COL24A1: variants seen among roughly 807,000 people sequenced by gnomAD.
COL24A1 encodes collagen alpha-1(XXIV) chain.
A neutral mutation model predicts 253.9 loss-of-function variants in COL24A1; 224 were observed. The ratio of observed to expected loss-of-function variants is 0.88; its 90% CI spans 0.79 to 0.99. The LOEUF (loss-of-function observed/expected upper bound fraction) is 0.99. Among genes scored for constraint, COL24A1 ranks in the 50% least tolerant of loss-of-function variants. The probability of loss-of-function intolerance (pLI) is 0.00; values close to 1 mark genes in which losing one functional copy is unlikely to be tolerated. For missense variants in COL24A1, 2,131 were observed against 2,068.5 expected, an observed-to-expected ratio of 1.03 and a Z score of -0.59; for synonymous variants, 685 against 673.7, an observed-to-expected ratio of 1.02 and a Z score of -0.26.
intron 1 of COL24A1, among the ~76,000 whole-genome samples, chr1:86,147,344 C>T (rs1212964168): frequency 6.6e-6 from 1 of 152,062 alleles, no homozygotes; most frequent in Non-Finnish European, 1.5e-5. Flanking sequence ...GGTATTTATC[C>T]TTTGTTAGTA....
At chr1:85,938,922 C>T (rs1236435236) in intron 24 of COL24A1, among the ~76,000 whole-genome samples, 1 of 152,140 alleles carries the variant, frequency 6.6e-6, no homozygotes, top group Non-Finnish European at 1.5e-5. Flanking sequence ...TTAGTAGGGT[C>T]TGTGTCACAG....
chr1:86,054,894 G>T (rs757095454), intron 10 of COL24A1, among the ~76,000 whole-genome samples: 11 of 152,096 alleles, frequency 7.2e-5, no homozygotes, highest in Non-Finnish European at 1.2e-4. Flanking sequence ...ATCAACCCAA[G>T]TGCTCATCAA....
intron 14 of COL24A1, 147 bp downstream of exon 14, chr1:86,031,731 G>T: frequency 5.8e-6 from 3 of 516,324 alleles, no homozygotes; most frequent in African/African-American, 2.1e-5. Flanking sequence ...ATTCATATCT[G>T]GTTGAAAAAA....
intron 5 of COL24A1, among the ~76,000 whole-genome samples, chr1:86,104,537 C>A (rs1372271985): frequency 6.6e-6 from 1 of 152,074 alleles, no homozygotes; most frequent in African/African-American, 2.4e-5. Flanking sequence ...AATTGATGTC[C>A]TTTGAATGGT....
chr1:86,029,928 C>T (rs1698402023), intron 14 of COL24A1: 1 of 152,044 alleles, frequency 6.6e-6, no homozygotes. Context: ...AGGGCGAAGG[C>T]TGAGTGTACC....
At chr1:85,926,080 A>T (rs1391826145) in intron 24 of COL24A1, among the ~76,000 whole-genome samples, 1 of 152,368 alleles carries the variant, frequency 6.6e-6, no homozygotes, top group Middle Eastern at 3.4e-3. Flanking sequence ...AAAAATGCTC[A>T]TCATCACTGG....
At chr1:86,147,898 T>C (rs1652131321) in intron 1 of COL24A1, among the ~76,000 whole-genome samples, 1 of 152,234 alleles carries the variant, frequency 6.6e-6, no homozygotes. Flanking sequence ...ACTAGGTCAG[T>C]GGTTTTCAAA....
At chr1:85,933,209 GA>G (rs1362543029) in intron 24 of COL24A1, among the ~76,000 whole-genome samples, 1 of 152,068 alleles carries the variant, frequency 6.6e-6, no homozygotes, top group African/African-American at 2.4e-5. Context: ...GAGGAGGCAT[GA>G]AAACTGCTAA....
chr1:85,806,015 G>A (rs978791633), intron 47 of COL24A1, among the ~76,000 whole-genome samples: 1 of 149,782 alleles, frequency 6.7e-6, no homozygotes, highest in African/African-American at 2.5e-5. Context: ...GGCGGAGCTT[G>A]CAGTGAGCGG....
intron 57 of COL24A1, among the ~76,000 whole-genome samples, chr1:85,743,298 G>T (rs1356013671): frequency 6.6e-6 from 1 of 151,988 alleles, no homozygotes; most frequent in Non-Finnish European, 1.5e-5. Context: ...TCTAAAACTT[G>T]CTAGGTATAC....
chr1:86,028,457 G>C (rs1435851148), intron 14 of COL24A1, among the ~76,000 whole-genome samples: 1 of 151,936 alleles, frequency 6.6e-6, no homozygotes, highest in Non-Finnish European at 1.5e-5. Flanking sequence ...GAGATCTCAT[G>C]GTTTTATAAG....
chr1:86,015,131 G>A lies in COL24A1; in HGVS notation c.2310+2020C>T, dbSNP rs868333663. Among the ~76,000 whole-genome samples the A allele has an allele frequency of 2.6e-5, 4 of 152,266 alleles. 1 individual carries two copies. In the South Asian group the frequency reaches 8.3e-4, roughly 32 times the overall value. ...AAAGCCTAATGTTGACAAGGATTTG[G>A]ATAAAAGTGTTGTCTCACATATAGT... On this transcript the variant is annotated intron_variant, in intron 19 of 59. Transcript: ENST00000370571.
intron 12 of COL24A1, 90 bp downstream of exon 12, chr1:86,046,735 C>T: frequency 6.7e-7 from 1 of 1,493,572 alleles, no homozygotes; most frequent in Non-Finnish European, 9.2e-7. Context: ...CAACAAAAAG[C>T]AAAAAGTATC....
At chr1:85,911,519 T>C in intron 24 of COL24A1, 86 bp from the exon 25 acceptor site, 2 of 1,048,170 alleles carry the variant, frequency 1.9e-6, no homozygotes, top group Non-Finnish European at 2.9e-6. Flanking sequence ...GTAATCACTA[T>C]GTTTCTTTCT....
At chr1:86,129,873 C>A (rs1217140508) in intron 2 of COL24A1, among the ~76,000 whole-genome samples, 1 of 151,658 alleles carries the variant, frequency 6.6e-6, no homozygotes, top group Non-Finnish European at 1.5e-5. Context: ...TAATACATAC[C>A]AGTTAGTTGT....
intron 57 of COL24A1, among the ~76,000 whole-genome samples, chr1:85,741,956 T>C (rs1057193712): frequency 1.3e-5 from 2 of 152,074 alleles, no homozygotes; most frequent in African/African-American, 4.8e-5. Context: ...AGTTAATCCC[T>C]TCCCTCCCTC....
At chr1:86,012,253 A>C (rs1374799679) in intron 19 of COL24A1, among the ~76,000 whole-genome samples, 1 of 152,218 alleles carries the variant, frequency 6.6e-6, no homozygotes, top group African/African-American at 2.4e-5. Flanking sequence ...CTATTCATTC[A>C]AATAAGTTCT....
intron 37 of COL24A1, among the ~76,000 whole-genome samples, chr1:85,862,812 C>T (rs920099392): frequency 5.3e-5 from 8 of 152,160 alleles, no homozygotes; most frequent in African/African-American, 1.7e-4. Context: ...CTGATTGTTT[C>T]CAAGGAAACT....
chr1:85,985,059 T>A (rs1170447337), intron 20 of COL24A1, among the ~76,000 whole-genome samples: 1 of 151,902 alleles, frequency 6.6e-6, no homozygotes, highest in East Asian at 1.9e-4. Flanking sequence ...AATCAATTAA[T>A]CTTTCTCAAA....
Sources: allele counts gnomAD v4.1 joint callset (sites outside exome capture counted in the v4.1 genomes callset), GRCh38; gene constraint gnomAD v4.1.1; transcripts MANE v1.5; gene names NCBI Gene and HGNC (gene_info 2026-07-23, HGNC 2026-07-21).